The following NOL4L variants were observed in gnomAD, a reference collection of about 807,000 sequenced individuals.
NOL4L encodes the protein nucleolar protein 4-like.
A neutral mutation model predicts 64.5 loss-of-function variants in NOL4L; 7 were observed. The observed-to-expected ratio is 0.11, with a 90% CI of 0.06 to 0.20. NOL4L has a LOEUF of 0.20. Ranked by LOEUF, NOL4L falls within the 10% of genes least tolerant of loss-of-function variation. The pLI, the probability that NOL4L is intolerant of heterozygous loss-of-function variation, is 1.00. For synonymous variants in NOL4L, 413 were observed against 401.0 expected (o/e 1.03, Z -0.36); for missense variants, 680 against 967.1 (o/e 0.70, Z 3.94).
intron 1 of NOL4L, among the ~76,000 whole-genome samples, chr20:32,533,006 C>A (rs1021070148): frequency 9.9e-5 from 15 of 152,198 alleles, no homozygotes; most frequent in South Asian, 2.1e-4. Flanking sequence ...TATGGAGAAG[C>A]TGGGCATGGT....
intron 2 of NOL4L, among the ~76,000 whole-genome samples, chr20:32,525,660 T>G (rs1331941238): frequency 1.3e-5 from 2 of 152,162 alleles, no homozygotes; most frequent in Non-Finnish European, 2.9e-5. Context: ...AGTAGTACAA[T>G]CATAGCTCAC....
At chr20:32,548,765 C>G (rs6119891) in intron 1 of NOL4L, 1 of 421,836 alleles carries the variant, frequency 2.4e-6, no homozygotes, top group African/African-American at 2.1e-5. Flanking sequence ...AATGGCCATC[C>G]ATATTCAGGG....
chr20:32,556,304 A>T (rs1001926301), intron 1 of NOL4L, among the ~76,000 whole-genome samples: 2 of 151,472 alleles, frequency 1.3e-5, no homozygotes, highest in Non-Finnish European at 2.9e-5. Context: ...GGAGCCCCTC[A>T]GCTCTGTCAG....
chr20:32,487,989 G>A (rs572716975), intron 4 of NOL4L, among the ~76,000 whole-genome samples: 2 of 151,552 alleles, frequency 1.3e-5, no homozygotes, highest in African/African-American at 4.9e-5. Flanking sequence ...GAGTGCAGTG[G>A]CACGATCTGG....
chr20:32,554,122 C>A (rs1324745903), intron 1 of NOL4L, among the ~76,000 whole-genome samples: 2 of 152,000 alleles, frequency 1.3e-5, no homozygotes, highest in African/African-American at 4.8e-5. Context: ...AGATCGAGAC[C>A]ATCCTGGCTA....
At position 32,464,230 on chromosome 20, in the gene NOL4L, C is replaced by T. The variant is rs752218388; in HGVS notation, c.842-7835G>A. Among the ~76,000 whole-genome samples the T allele has an allele frequency of 2.6e-5, 4 of 152,188 alleles. No homozygotes were observed. Among genetic ancestry groups the T allele is most frequent in the African/African-American group, 7.2e-5 (3 of 41,430 alleles). ...TGCCTGCTTTGACAAAGGCCAGCGCCCAGGCTGTGTTTACACGATGCGTAG... is the reference window on the plus strand; with the variant it reads ...TGCCTGCTTTGACAAAGGCCAGCGCTCAGGCTGTGTTTACACGATGCGTAG... On this transcript the variant is annotated intron_variant, in intron 5 of 10. Coordinates refer to ENST00000621426, the MANE Select transcript of NOL4L (RefSeq NM_001256798.2). This position sits in a 1 kb window ranked among gnomAD's most constrained non-coding sequence, Gnocchi z 5.6.
chr20:32,575,690 G>A (rs972558236), intron 1 of NOL4L, among the ~76,000 whole-genome samples: 1 of 152,200 alleles, frequency 6.6e-6, no homozygotes, highest in African/African-American at 2.4e-5. Context: ...AGTCCGCCCT[G>A]CTAGTGCTCA....
At chr20:32,567,885 C>T (rs1979523377) in intron 1 of NOL4L, among the ~76,000 whole-genome samples, 1 of 151,752 alleles carries the variant, frequency 6.6e-6, no homozygotes, top group Non-Finnish European at 1.5e-5. Flanking sequence ...ATCACCACCA[C>T]CACCACCATC....
intron 10 of NOL4L, 75 bp from the exon 11 acceptor site, chr20:32,447,891 C>T (rs1419303710): frequency 2.7e-6 from 4 of 1,498,500 alleles, no homozygotes; most frequent in Non-Finnish European, 3.6e-6. Context: ...TTCCTTGGCA[C>T]TGTCATAACC....
intron 4 of NOL4L, among the ~76,000 whole-genome samples, chr20:32,504,333 G>A (rs1048909509): frequency 3.3e-5 from 5 of 152,050 alleles, no homozygotes; most frequent in Non-Finnish European, 5.9e-5. Context: ...GGCTGAGGTG[G>A]GTAGATCACG....
intron 4 of NOL4L, among the ~76,000 whole-genome samples, chr20:32,505,240 C>T (rs2017092740): frequency 6.6e-6 from 1 of 151,816 alleles, no homozygotes; most frequent in Non-Finnish European, 1.5e-5. Context: ...TCTTTCTGGG[C>T]AGGGGGGAGA....
rs2016313256 is a variant in NOL4L at position 32,488,857 on chromosome 20, TTCTTTCTTTCTTTCTTTC to T, written c.700-14133_700-14116del. Among the ~76,000 whole-genome samples the T allele has an allele frequency of 2.9e-5, 3 of 103,804 alleles. 1 individual carries two copies. In the South Asian group the frequency reaches 9.0e-4, roughly 31 times the overall value. The allele number at this position is 103,804 out of a possible 152,430, so 68.1% of individuals were successfully genotyped here. On this transcript the variant is annotated intron_variant, in intron 4 of 10. Transcript: ENST00000621426. ...TTTCTTTCTTTCTTTCTTTCTTTCT[TTCTTTCTTTCTTTCTTTC>T]TTTCTTTCTTTCTTTCTTTCCTCTC...
rs2012269272 is a variant in NOL4L, at chr20:32,445,026, C to CCAT, written c.*2567_*2569dup. On this transcript the variant is annotated 3_prime_UTR_variant, in exon 11 of 11. Transcript: ENST00000621426. ...ATGCAGAAACTTGCTCCTGATTCTG[C>CCAT]CATCTCTAGGGCTTCAGGTGTAGTT... 6.6e-6 allele frequency: 1 copy of CCAT among 152,232 alleles called. No individual in the cohort carries two copies. The highest frequency in any genetic ancestry group is 6.5e-5 in the Admixed American group (1 of 15,288). The allele number at this position is 152,232 out of a possible 1,614,324, so 9.4% of individuals were successfully genotyped here. A position where few individuals can be genotyped will look rare whatever the true frequency, so the allele number is the denominator to read the frequency against.
intron 1 of NOL4L, among the ~76,000 whole-genome samples, chr20:32,556,280 G>T (rs751210638): frequency 2.6e-5 from 4 of 152,098 alleles, no homozygotes; most frequent in African/African-American, 7.2e-5. Flanking sequence ...TTTGTGGGGG[G>T]GGGGGGTTTC....
chr20:32,532,496 A>T, intron 1 of NOL4L: 6 of 383,010 alleles, frequency 1.6e-5, no homozygotes, highest in Non-Finnish European at 2.1e-5. Flanking sequence ...CCATGGAGGT[A>T]ATAACCTTCA....
chr20:32,575,101 G>A (rs1322687472), intron 1 of NOL4L, among the ~76,000 whole-genome samples: 1 of 152,024 alleles, frequency 6.6e-6, no homozygotes, highest in Non-Finnish European at 1.5e-5. Context: ...TCTCACCACA[G>A]AATCTGAGCG....
At chr20:32,517,622 C>T (rs920816416) in intron 3 of NOL4L, among the ~76,000 whole-genome samples, 26 of 152,348 alleles carry the variant, frequency 1.7e-4, no homozygotes, top group African/African-American at 5.8e-4. Flanking sequence ...AGGGTGTGGA[C>T]CCAGCATGCT....
intron 4 of NOL4L, among the ~76,000 whole-genome samples, chr20:32,503,848 T>C (rs2145541925): frequency 6.6e-6 from 1 of 152,304 alleles, no homozygotes; most frequent in South Asian, 2.1e-4. Context: ...TAATGCTTTT[T>C]TTTTGCCTTG....
Position 32,443,900 on chromosome 20 carries a change from G to A in NOL4L, c.*3696C>T, listed in dbSNP as rs1164892274. The A allele has an allele frequency of 6.6e-6, 1 of 152,226 alleles. No individual in the cohort carries two copies. Among genetic ancestry groups the A allele is most frequent in the Admixed American group, 6.5e-5 (1 of 15,284 alleles). 9.4% of individuals were successfully genotyped at this position (152,226 alleles called of 1,614,324 possible). On this transcript the variant is annotated 3_prime_UTR_variant, in exon 11 of 11. Transcript: ENST00000621426. ...CTCTTCTGACTCCTGCTCCTAAATG[G>A]ACCACATAATTGAGGCATATGGGCC... is the stretch of plus-strand genomic sequence containing the variant.
Sources: gnomAD v4.1 joint callset for allele counts (sites outside exome capture counted in the v4.1 genomes callset) on GRCh38, gnomAD v4.1.1 for gene constraint, Gnocchi (gnomAD v3.1) non-coding constraint, MANE v1.5 for transcripts, NCBI Gene and HGNC (gene_info 2026-07-23, HGNC 2026-07-21) for gene names.